The following MARCHF1 variants were observed in gnomAD, a reference collection of about 807,000 sequenced individuals.
MARCHF1 encodes the protein E3 ubiquitin-protein ligase MARCHF1.
A neutral mutation model predicts 54.2 loss-of-function variants in MARCHF1; 40 were observed. That is an observed-to-expected ratio of 0.74 (90% confidence interval 0.57 to 0.96). The LOEUF is 0.96. Among genes scored for constraint, MARCHF1 ranks in the 40% least tolerant of loss-of-function variants. MARCHF1 has a pLI of 0.00. For synonymous variants in MARCHF1, 236 were observed against 236.3 expected, an observed-to-expected ratio of 1.00 and a Z score of 0.01; for missense variants, 586 against 656.5, an observed-to-expected ratio of 0.89 and a Z score of 1.17.
At chr4:163,889,296 T>A (rs1750604018) in intron 3 of MARCHF1, among the ~76,000 whole-genome samples, 1 of 152,152 alleles carries the variant, frequency 6.6e-6, no homozygotes, top group Admixed American at 6.5e-5. Context: ...TCTTTTCATC[T>A]CCACTCTTGA....
At chr4:164,217,139 C>A (rs879916892) in intron 1 of MARCHF1, among the ~76,000 whole-genome samples, 1 of 152,132 alleles carries the variant, frequency 6.6e-6, no homozygotes, top group Non-Finnish European at 1.5e-5. Context: ...TTTTATCCTG[C>A]TGTTGAACAT....
intron 4 of MARCHF1, among the ~76,000 whole-genome samples, chr4:163,772,286 G>T (rs1207965722): frequency 6.6e-6 from 1 of 152,166 alleles, no homozygotes; most frequent in Non-Finnish European, 1.5e-5. Flanking sequence ...TAATGGAAAA[G>T]ATTCCTTAGA....
chr4:163,550,513 T>G (rs1291990782), intron 8 of MARCHF1, among the ~76,000 whole-genome samples: 1 of 150,984 alleles, frequency 6.6e-6, no homozygotes, highest in Non-Finnish European at 1.5e-5. Context: ...AGCCCTTTTT[T>G]TTTTTTTTTT....
At chr4:163,556,548 GTTGA>G (rs1181579309) in intron 8 of MARCHF1, among the ~76,000 whole-genome samples, 1 of 127,660 alleles carries the variant, frequency 7.8e-6, no homozygotes, top group African/African-American at 2.5e-5. Flanking sequence ...ATGTAATTGA[GTTGA>G]TTTTTTTTTT....
At chr4:163,943,079 T>A (rs7656427) in intron 3 of MARCHF1, among the ~76,000 whole-genome samples, 125,686 of 152,130 alleles carry the variant, frequency 0.83, 52,247 homozygotes, top group East Asian at 0.93. Context: ...TTCCTTATAA[T>A]TGCTGGATAT....
intron 2 of MARCHF1, among the ~76,000 whole-genome samples, chr4:164,074,278 C>G (rs536445582): frequency 6.6e-6 from 1 of 152,314 alleles, no homozygotes; most frequent in East Asian, 1.9e-4. Context: ...CTTTGAGTCT[C>G]TGCAAAAAGC....
At chr4:163,795,094 G>A (rs938783697) in intron 4 of MARCHF1, among the ~76,000 whole-genome samples, 1 of 152,142 alleles carries the variant, frequency 6.6e-6, no homozygotes, top group Non-Finnish European at 1.5e-5. Context: ...TCATAAAAAT[G>A]TCAATTTGTG....
At chr4:164,336,975 G>A (rs914379789) in intron 1 of MARCHF1, among the ~76,000 whole-genome samples, 1 of 151,032 alleles carries the variant, frequency 6.6e-6, no homozygotes, top group Non-Finnish European at 1.5e-5. Context: ...AAGGAAAGAA[G>A]AAAAGAAAGA....
chr4:163,931,239 C>T (rs1751666662), intron 3 of MARCHF1, among the ~76,000 whole-genome samples: 2 of 151,958 alleles, frequency 1.3e-5, no homozygotes, highest in Admixed American at 1.3e-4. Flanking sequence ...TTTAAGTCAC[C>T]CTGTCTATGG....
chr4:163,873,393 C>A (rs1750221750), intron 3 of MARCHF1, among the ~76,000 whole-genome samples: 1 of 152,194 alleles, frequency 6.6e-6, no homozygotes, highest in Non-Finnish European at 1.5e-5. Context: ...TGGCCATTTT[C>A]TCTCATCAGA....
intron 1 of MARCHF1, among the ~76,000 whole-genome samples, chr4:164,187,842 C>G (rs1324493158): frequency 1.3e-5 from 2 of 152,138 alleles, no homozygotes; most frequent in African/African-American, 4.8e-5. Flanking sequence ...GTCTATTCAG[C>G]CTTGATGGCA....
intron 1 of MARCHF1, among the ~76,000 whole-genome samples, chr4:164,117,972 T>A (rs1291726739): frequency 6.6e-6 from 1 of 151,942 alleles, no homozygotes; most frequent in African/African-American, 2.4e-5. Context: ...ATGAGTGAGA[T>A]CAGTGAAGTG....
Position 164,145,382 on chromosome 4 carries a change from T to C in MARCHF1, c.-322-33720A>G, listed in dbSNP as rs532493239. Among the ~76,000 whole-genome samples the C allele has an allele frequency of 2.6e-5, 4 of 152,088 alleles. No homozygotes were observed. The East Asian group carries it at 7.8e-4, about 30-fold the overall frequency. Reference sequence around the variant, plus strand: ...GAGACACAACCAAAAAAGAGAATTTTAGACCAATATCCTTGATGAACATTG... The same window carrying C: ...GAGACACAACCAAAAAAGAGAATTTCAGACCAATATCCTTGATGAACATTG... On this transcript the variant is annotated intron_variant, in intron 1 of 9. Transcript: ENST00000514618.
At chr4:164,162,612 G>C (rs945567467) in intron 1 of MARCHF1, among the ~76,000 whole-genome samples, 2 of 152,012 alleles carry the variant, frequency 1.3e-5, no homozygotes, top group African/African-American at 4.8e-5. Context: ...CATCCTTTTA[G>C]GGAAAGAGTA....
At chr4:163,927,642 G>A (rs546209788) in intron 3 of MARCHF1, among the ~76,000 whole-genome samples, 36 of 151,880 alleles carry the variant, frequency 2.4e-4, no homozygotes, top group African/African-American at 8.7e-4. Context: ...TTAGCTTGCA[G>A]AGTAATTTTA....
chr4:163,613,526 A>G, intron 5 of MARCHF1, 133 bp from the exon 6 acceptor site: 1 of 1,577,002 alleles, frequency 6.3e-7, no homozygotes, highest in East Asian at 2.3e-5. Flanking sequence ...TGCAGAACAG[A>G]GAATATAGGA....
chr4:163,714,028 C>T (rs1458106248), intron 4 of MARCHF1, among the ~76,000 whole-genome samples: 1 of 152,136 alleles, frequency 6.6e-6, no homozygotes, highest in Admixed American at 6.5e-5. Flanking sequence ...AATTATAAAT[C>T]AGTTCACCAC....
chr4:163,591,008 G>A (rs1042876131), intron 7 of MARCHF1, among the ~76,000 whole-genome samples: 1 of 151,366 alleles, frequency 6.6e-6, no homozygotes, highest in African/African-American at 2.4e-5. Flanking sequence ...CTATTAGGAA[G>A]AATTAAAGTA....
intron 3 of MARCHF1, among the ~76,000 whole-genome samples, chr4:163,926,045 AGGTAT>A (rs543471151): frequency 0.034 from 5,143 of 151,670 alleles, 240 homozygotes; most frequent in East Asian, 0.19. Flanking sequence ...TTTTAAATTA[AGGTAT>A]TACATATATG....
Sources: allele counts gnomAD v4.1 joint callset (sites outside exome capture counted in the v4.1 genomes callset), GRCh38; gene constraint gnomAD v4.1.1; transcripts MANE v1.5; gene names NCBI Gene and HGNC (gene_info 2026-07-23, HGNC 2026-07-21).